The following LRRC7 variants were observed in gnomAD, a reference collection of about 807,000 sequenced individuals.
LRRC7 encodes the protein leucine rich repeat containing 7.
LRRC7 carries 23 observed loss-of-function variants against 175.7 expected under a neutral mutation model. The observed-to-expected ratio is 0.13, with a 90% CI of 0.09 to 0.19. The LOEUF is 0.19. Ranked by LOEUF, LRRC7 falls within the 10% of genes least tolerant of loss-of-function variation. The pLI, the probability that LRRC7 is intolerant of heterozygous loss-of-function variation, is 1.00. For synonymous variants in LRRC7, 685 were observed against 680.9 expected (o/e 1.01, Z -0.09); for missense variants, 1,354 against 1,904.7 (o/e 0.71, Z 5.38).
In LRRC7 at chr1:70,078,234, TGAAA is replaced by T. The variant is rs1476577251; in HGVS notation, c.4452+1942_4452+1945del. On this transcript the variant is annotated intron_variant, in intron 24 of 26. Coordinates refer to ENST00000651989, the MANE Select transcript of LRRC7 (RefSeq NM_001370785.2). ...TGTATCAATAAAAAAGACTTTTGAGTGAAAGAAAGCCTAAAGGCATTTAAACAAC... is the reference window on the plus strand; with the variant it reads ...TGTATCAATAAAAAAGACTTTTGAGTGAAAGCCTAAAGGCATTTAAACAAC... 3.9e-5 allele frequency among the ~76,000 whole-genome samples: 6 copies of T among 152,088 alleles called. No homozygotes were observed. The East Asian group carries it at 1.2e-3, about 29-fold the overall frequency.
At chr1:69,710,017 C>T (rs1318129396) in intron 2 of LRRC7, among the ~76,000 whole-genome samples, 1 of 151,988 alleles carries the variant, frequency 6.6e-6, no homozygotes, top group Non-Finnish European at 1.5e-5. Context: ...GTGTCTTACA[C>T]CTGTAATCTT....
At chr1:69,984,687 C>T (rs1653767407) in intron 9 of LRRC7, among the ~76,000 whole-genome samples, 1 of 152,072 alleles carries the variant, frequency 6.6e-6, no homozygotes, top group Admixed American at 6.6e-5. Context: ...GAGTCCATCC[C>T]CTCTTCATCC....
At chr1:69,592,962 C>T (rs928724393) in intron 1 of LRRC7, among the ~76,000 whole-genome samples, 1 of 151,970 alleles carries the variant, frequency 6.6e-6, no homozygotes, top group Middle Eastern at 3.2e-3. Context: ...TTTCTTTTTA[C>T]ATAAATATTT....
chr1:69,929,689 T>C (rs1297350068), intron 7 of LRRC7, among the ~76,000 whole-genome samples: 2 of 152,198 alleles, frequency 1.3e-5, no homozygotes, highest in African/African-American at 2.4e-5. Flanking sequence ...ATCTTCCTTC[T>C]TCTACTGTTG....
At chr1:69,909,387 A>G (rs1646441552) in intron 7 of LRRC7, among the ~76,000 whole-genome samples, 1 of 152,070 alleles carries the variant, frequency 6.6e-6, no homozygotes, top group Admixed American at 6.6e-5. Context: ...ACATTTTGGC[A>G]TGTTTTTGCA....
At chr1:70,102,973 A>C (rs1010391612) in intron 25 of LRRC7, among the ~76,000 whole-genome samples, 1 of 152,126 alleles carries the variant, frequency 6.6e-6, no homozygotes, top group Non-Finnish European at 1.5e-5. Context: ...TCATGCCTGT[A>C]ATCCCAGGAC....
chr1:69,764,335 T>C (rs1671366175), intron 3 of LRRC7, among the ~76,000 whole-genome samples: 1 of 151,612 alleles, frequency 6.6e-6, no homozygotes. Flanking sequence ...AGAGAAAAAC[T>C]GCCAAAAAAA....
At chr1:70,121,355 TG>T (rs1243439704) in intron 26 of LRRC7, among the ~76,000 whole-genome samples, 2 of 152,100 alleles carry the variant, frequency 1.3e-5, no homozygotes, top group African/African-American at 4.8e-5. Flanking sequence ...TGTCCAGTCA[TG>T]TTTGGCATGA....
At chr1:70,103,568 G>A (rs1395425460) in intron 25 of LRRC7, among the ~76,000 whole-genome samples, 1 of 152,158 alleles carries the variant, frequency 6.6e-6, no homozygotes, top group Non-Finnish European at 1.5e-5. Flanking sequence ...TTCCAGAAAA[G>A]AATGCAGCCG....
In LRRC7 at chr1:70,143,333, C is replaced by T. The variant is rs1046780907; in HGVS notation, c.*21446C>T. On this transcript the variant is annotated 3_prime_UTR_variant, in exon 27 of 27. Transcript: ENST00000651989. ...ATTGGGATCTGATTTCAAAGAAATC[C>T]CATTATATTATCAAGTCGTTTTCAA... is the stretch of plus-strand genomic sequence containing the variant. The T allele has an allele frequency of 2.0e-5, 3 of 151,700 alleles. No individual in the cohort carries two copies. Among genetic ancestry groups the T allele is most frequent in the South Asian group, 2.1e-4 (1 of 4,814 alleles). 9.4% of individuals were successfully genotyped at this position (151,700 alleles called of 1,614,324 possible). A position where few individuals can be genotyped will look rare whatever the true frequency, so the allele number is the denominator to read the frequency against.
intron 4 of LRRC7, among the ~76,000 whole-genome samples, chr1:69,823,086 T>C (rs1179821093): frequency 6.6e-6 from 1 of 152,192 alleles, no homozygotes; most frequent in Non-Finnish European, 1.5e-5. Flanking sequence ...GTCATCTAGA[T>C]TTTGATCCTT....
Position 69,793,266 on chromosome 1 carries a change from CTT to C in LRRC7, c.421+1108_421+1109del, listed in dbSNP as rs1183937037. On this transcript the variant is annotated intron_variant, in intron 4 of 26. Transcript: ENST00000651989. The stretch of plus-strand genomic sequence containing the variant: ...TGCCTAGAGAAGGATGCAATCCAAT[CTT>C]TGTAGTTAGGGAAGGTTTTCCTAAG... Among the ~76,000 whole-genome samples the C allele has an allele frequency of 5.9e-5, 9 of 152,196 alleles. No individual in the cohort carries two copies. In the East Asian group the frequency reaches 1.7e-3, roughly 29 times the overall value.
intron 2 of LRRC7, among the ~76,000 whole-genome samples, chr1:69,695,752 A>C (rs953588344): frequency 6.6e-6 from 1 of 152,210 alleles, no homozygotes; most frequent in African/African-American, 2.4e-5. Flanking sequence ...GCCTTAGCTT[A>C]AAGGGTCCCA....
intron 2 of LRRC7, among the ~76,000 whole-genome samples, chr1:69,730,501 A>C (rs1667454333): frequency 6.6e-6 from 1 of 151,978 alleles, no homozygotes; most frequent in South Asian, 2.1e-4. Context: ...AGTGACTTTT[A>C]CTCCAGTTTC....
rs575751383 is a variant in LRRC7 at position 69,979,871 on chromosome 1, G to A, written c.712-508G>A. On this transcript the variant is annotated intron_variant, in intron 8 of 26. Coordinates refer to ENST00000651989, the MANE Select transcript of LRRC7 (RefSeq NM_001370785.2). The stretch of plus-strand genomic sequence containing the variant: ...AAAGTAATGGCAAAACCGCAATTAC[G>A]TTTGCACCAACCCAGTATTATCTCA... Among the ~76,000 whole-genome samples the A allele has an allele frequency of 4.6e-5, 7 of 151,514 alleles. No individual in the cohort carries two copies. In the South Asian group the frequency reaches 6.3e-4, roughly 14 times the overall value.
intron 3 of LRRC7, among the ~76,000 whole-genome samples, chr1:69,778,891 C>T (rs1026122355): frequency 1.3e-5 from 2 of 150,914 alleles, no homozygotes; most frequent in Non-Finnish European, 3.0e-5. Flanking sequence ...CATACACACA[C>T]ACACATATAT....
chr1:69,610,463 C>A (rs1001851220), intron 1 of LRRC7, among the ~76,000 whole-genome samples: 1 of 151,966 alleles, frequency 6.6e-6, no homozygotes, highest in Non-Finnish European at 1.5e-5. Context: ...TCCTTTTTCT[C>A]CCCTTAGCCT....
chr1:70,040,764 A>G (rs1659819114), intron 21 of LRRC7, among the ~76,000 whole-genome samples: 1 of 152,108 alleles, frequency 6.6e-6, no homozygotes, highest in Non-Finnish European at 1.5e-5. Flanking sequence ...CAGTGAGCTG[A>G]GATCACACCA....
At chr1:69,919,070 G>A (rs574559170) in intron 7 of LRRC7, among the ~76,000 whole-genome samples, 1 of 152,042 alleles carries the variant, frequency 6.6e-6, no homozygotes, top group African/African-American at 2.4e-5. Context: ...AAAAGGAATC[G>A]ATCAAATTTA....
Sources: allele counts gnomAD v4.1 joint callset (sites outside exome capture counted in the v4.1 genomes callset), GRCh38; gene constraint gnomAD v4.1.1; transcripts MANE v1.5; gene names NCBI Gene and HGNC (gene_info 2026-07-23, HGNC 2026-07-21).